TENM4: variants seen among roughly 807,000 people sequenced by gnomAD.
TENM4 encodes teneurin transmembrane protein 4.
Under a neutral mutation model 243.3 loss-of-function variants are expected in TENM4, and 82 were observed. The ratio of observed to expected loss-of-function variants is 0.34; its 90% CI spans 0.28 to 0.40. The LOEUF is 0.40. TENM4 is among the 10% of genes least tolerant of loss of function. The probability of loss-of-function intolerance (pLI) is 1.00; values close to 1 mark genes in which losing one functional copy is unlikely to be tolerated. For synonymous variants in TENM4, 1,412 were observed against 1,456.3 expected (o/e 0.97, Z 0.69); for missense variants, 3,138 against 3,673.3 (o/e 0.85, Z 3.77).
At position 79,320,179 on chromosome 11, in the gene TENM4, C is replaced by T. The variant is rs554299575; in HGVS notation, c.-320-22636G>A. Among the ~76,000 whole-genome samples the T allele has an allele frequency of 7.9e-5, 12 of 152,322 alleles. No homozygotes were observed. In the South Asian group the frequency reaches 2.1e-3, roughly 26 times the overall value. On this transcript the variant is annotated intron_variant, in intron 1 of 33. Transcript: ENST00000278550. ...CCCCAGGAGTGAAACTGGATGCAAG[C>T]GTTTGCACTCAGTGTTTACCTGTGG...
In TENM4 at chr11:79,299,533, A is replaced by G. The variant is rs556069725; in HGVS notation, c.-320-1990T>C. Among the ~76,000 whole-genome samples the G allele has an allele frequency of 3.3e-5, 5 of 152,366 alleles. No homozygotes were observed. The East Asian group carries it at 9.7e-4, about 29-fold the overall frequency. On this transcript the variant is annotated intron_variant, in intron 1 of 33. Transcript: ENST00000278550. ...TCCTCAGCTTTTCCGTAAAGTGACT[A>G]GATTATATCGATACTTATTTACATT...
At chr11:79,291,422 C>T (rs1355173286) in intron 2 of TENM4, among the ~76,000 whole-genome samples, 1 of 152,104 alleles carries the variant, frequency 6.6e-6, no homozygotes, top group Admixed American at 6.5e-5. Flanking sequence ...GAATGGAGAT[C>T]AGCTACAACC....
At chr11:79,073,957 C>T (rs772388609) in intron 4 of TENM4, among the ~76,000 whole-genome samples, 2 of 151,796 alleles carry the variant, frequency 1.3e-5, no homozygotes, top group Non-Finnish European at 2.9e-5. Context: ...GGCTGAGAAA[C>T]GTTTTAGGCT....
intron 6 of TENM4, among the ~76,000 whole-genome samples, chr11:79,009,915 T>C (rs376968295): frequency 3.7e-4 from 57 of 152,236 alleles, no homozygotes; most frequent in African/African-American, 1.4e-3. Flanking sequence ...GGTAATTCAG[T>C]CATGGGGGTG....
At chr11:78,761,394 C>A (rs1297658476) in intron 18 of TENM4, among the ~76,000 whole-genome samples, 1 of 152,140 alleles carries the variant, frequency 6.6e-6, no homozygotes, top group Non-Finnish European at 1.5e-5. Flanking sequence ...CACCTGCCAC[C>A]ACACCCAGCT....
intron 3 of TENM4, among the ~76,000 whole-genome samples, chr11:79,156,476 T>C (rs1862618653): frequency 6.6e-6 from 1 of 152,180 alleles, no homozygotes; most frequent in South Asian, 2.1e-4. Flanking sequence ...GGGCAAGGCT[T>C]TCTCAGGCCT....
rs1255986743 is a variant in TENM4, at chr11:78,855,968, G to A, written c.1466C>T (p.Thr489Ile). The stretch of plus-strand genomic sequence containing the variant: ...GGTATGTGGGGTTCTGGTTACCTGT[G>A]TATGTGAAGGAGGGAGGCCTTTTCT... Reference protein sequence around the residue: ...YGRKGLPPSHTQFDFVELLDG... With the variant: ...YGRKGLPPSHIQFDFVELLDG... Residue 489 changes from threonine to isoleucine, a missense_variant, in exon 11 of 34, where the codon ACA (threonine) becomes ATA (isoleucine). Thr to Ile is a moderately conservative substitution (Grantham distance 89). Around this residue, in one of 2 missense-constraint regions of TENM4, gnomAD observed 2,467 missense variants for 3,059.1 expected, o/e 0.81. Transcript: ENST00000278550. 1.3e-6 allele frequency: 2 copies of A among 1,551,270 alleles called. No homozygotes were observed. The highest frequency in any genetic ancestry group is 1.4e-5 in the African/African-American group (1 of 73,038).
intron 4 of TENM4, among the ~76,000 whole-genome samples, chr11:79,109,259 G>T (rs1861446252): frequency 6.6e-6 from 1 of 152,074 alleles, no homozygotes; most frequent in South Asian, 2.1e-4. Flanking sequence ...GATTAATATA[G>T]CTCACCAATA....
rs373341526 is a variant in TENM4, at chr11:78,842,079, A to AC, written c.1681+12024dup. Among the ~76,000 whole-genome samples, 955 of 152,208 alleles carry AC rather than the reference A, an allele frequency of 6.3e-3. 8 individuals carry two copies. The highest frequency in any genetic ancestry group is 0.022 in the African/African-American group (903 of 41,504). ...CCACACTCATGCTGTCCACCAGGTA[A>AC]CTGTCTCAAATTCAGAGCTATCTCC... On this transcript the variant is annotated intron_variant, in intron 12 of 33. Coordinates refer to ENST00000278550, the MANE Select transcript of TENM4 (RefSeq NM_001098816.3).
intron 2 of TENM4, among the ~76,000 whole-genome samples, chr11:79,264,672 C>A (rs1001286232): frequency 1.3e-5 from 2 of 152,186 alleles, no homozygotes; most frequent in Admixed American, 1.3e-4. Context: ...GGTTTCCCAG[C>A]AGTTACACGT....
At chr11:79,368,051 G>A (rs1473131204) in intron 1 of TENM4, among the ~76,000 whole-genome samples, 2 of 152,180 alleles carry the variant, frequency 1.3e-5, no homozygotes, top group African/African-American at 4.8e-5. Context: ...CCTACCATGT[G>A]AGTTCGCTGC....
intron 6 of TENM4, among the ~76,000 whole-genome samples, chr11:79,045,312 T>C (rs1859630468): frequency 6.6e-6 from 1 of 152,166 alleles, no homozygotes; most frequent in Non-Finnish European, 1.5e-5. Context: ...GGAGGTTGTG[T>C]TCCAGGAATG....
At chr11:79,384,286 C>T (rs1357903745) in intron 1 of TENM4, among the ~76,000 whole-genome samples, 5 of 152,186 alleles carry the variant, frequency 3.3e-5, no homozygotes, top group Admixed American at 6.5e-5. Flanking sequence ...AGTAATAACA[C>T]GATGCTGTGC....
At chr11:78,668,460 C>T (rs781440788) in intron 32 of TENM4, among the ~76,000 whole-genome samples, 1 of 152,050 alleles carries the variant, frequency 6.6e-6, no homozygotes, top group African/African-American at 2.4e-5. Flanking sequence ...TTACATTATC[C>T]CAAATTGAGA....
At chr11:78,792,273 C>A (rs1488438405) in intron 15 of TENM4, among the ~76,000 whole-genome samples, 6 of 152,162 alleles carry the variant, frequency 3.9e-5, no homozygotes, top group Non-Finnish European at 7.3e-5. Flanking sequence ...GGGGCTACTA[C>A]TAGAAAAGCA....
chr11:78,947,251 A>G (rs1857019602), intron 6 of TENM4, among the ~76,000 whole-genome samples: 1 of 152,230 alleles, frequency 6.6e-6, no homozygotes, highest in African/African-American at 2.4e-5. Context: ...AATATTGTCT[A>G]TAAATAACCA....
intron 6 of TENM4, among the ~76,000 whole-genome samples, chr11:79,060,430 G>C (rs1860057718): frequency 6.6e-6 from 1 of 152,220 alleles, no homozygotes; most frequent in Non-Finnish European, 1.5e-5. Flanking sequence ...GCATCAGTGT[G>C]ACCTCTGCAA....
At chr11:78,910,020 A>G (rs1856150456) in intron 6 of TENM4, among the ~76,000 whole-genome samples, 1 of 152,222 alleles carries the variant, frequency 6.6e-6, no homozygotes, top group Non-Finnish European at 1.5e-5. Flanking sequence ...CCTCGTGGAA[A>G]GATTCCAGTG....
intron 25 of TENM4, among the ~76,000 whole-genome samples, chr11:78,715,638 G>C (rs1436235465): frequency 6.6e-6 from 1 of 152,192 alleles, no homozygotes; most frequent in African/African-American, 2.4e-5. Context: ...ACAACAACTA[G>C]CTTTGAGCTT....
Sources: gnomAD v4.1 joint callset for allele counts (sites outside exome capture counted in the v4.1 genomes callset) on GRCh38, gnomAD v4.1.1 for gene constraint, gnomAD v4.1.1 regional missense constraint, MANE v1.5 for transcripts, NCBI Gene and HGNC (gene_info 2026-07-23, HGNC 2026-07-21) for gene names.